Variants in INSYN2B observed in about 807,000 individuals in gnomAD.
The protein encoded by INSYN2B is inhibitory synaptic factor family member 2B, also known as protein INSYN2B.
Under a neutral mutation model 41.2 loss-of-function variants are expected in INSYN2B, and 16 were observed. The observed-to-expected ratio is 0.39, with a 90% CI of 0.26 to 0.59. The LOEUF is 0.59. Among genes scored for constraint, INSYN2B ranks in the 20% least tolerant of loss-of-function variants. INSYN2B has a pLI of 0.57. For missense variants in INSYN2B, 608 were observed against 646.4 expected (o/e 0.94, Z 0.64); for synonymous variants, 245 against 244.4 (o/e 1.00, Z -0.02).
At chr5:169,942,955 A>G (rs1431986538) in intron 1 of INSYN2B, among the ~76,000 whole-genome samples, 1 of 152,244 alleles carries the variant, frequency 6.6e-6, no homozygotes, top group African/African-American at 2.4e-5. Context: ...GAGAGACTCT[A>G]TGTAAAACAC....
At chr5:169,881,545 G>A (rs147762814) in intron 2 of INSYN2B, 103 bp from the exon 3 acceptor site, 241 of 856,770 alleles carry the variant, frequency 2.8e-4, no homozygotes, top group East Asian at 7.5e-4. Flanking sequence ...CAGCATTCAC[G>A]GTGCTCTGAA....
At chr5:169,974,403 C>G (rs1777639646) in intron 1 of INSYN2B, among the ~76,000 whole-genome samples, 1 of 152,120 alleles carries the variant, frequency 6.6e-6, no homozygotes. Context: ...TTGTTATGGC[C>G]CTATAAAAAG....
At chr5:169,923,252 A>G (rs1399807373) in intron 1 of INSYN2B, among the ~76,000 whole-genome samples, 1 of 152,028 alleles carries the variant, frequency 6.6e-6, no homozygotes. Flanking sequence ...TGGTGTAAAC[A>G]TGAGATGTCT....
intron 1 of INSYN2B, among the ~76,000 whole-genome samples, chr5:169,963,071 A>G (rs1029987897): frequency 2.0e-5 from 3 of 152,118 alleles, no homozygotes; most frequent in African/African-American, 7.2e-5. Context: ...CATCCCTGAA[A>G]TATCTACTGG....
At chr5:169,873,304 C>G (rs908884224) in intron 3 of INSYN2B, among the ~76,000 whole-genome samples, 3 of 152,126 alleles carry the variant, frequency 2.0e-5, no homozygotes, top group African/African-American at 7.2e-5. Flanking sequence ...GAAATTTTAC[C>G]TTTTACATTT....
At chr5:169,975,514 G>A (rs1041442632) in intron 1 of INSYN2B, among the ~76,000 whole-genome samples, 4 of 152,044 alleles carry the variant, frequency 2.6e-5, no homozygotes, top group African/African-American at 9.7e-5. Flanking sequence ...CCACCACACT[G>A]AACTTCTTTC....
chr5:169,903,709 AAAG>A (rs1378518077), intron 1 of INSYN2B, among the ~76,000 whole-genome samples: 1 of 152,124 alleles, frequency 6.6e-6, no homozygotes, highest in African/African-American at 2.4e-5. Flanking sequence ...CAGGGGGAGA[AAAG>A]AAGTAAGTTT....
chr5:169,930,452 G>C (rs888316872), intron 1 of INSYN2B, among the ~76,000 whole-genome samples: 1 of 152,120 alleles, frequency 6.6e-6, no homozygotes, highest in African/African-American at 2.4e-5. Flanking sequence ...GACATTTCTT[G>C]GACAATTTCC....
chr5:169,924,791 T>G (rs1249428807), intron 1 of INSYN2B, among the ~76,000 whole-genome samples: 1 of 152,208 alleles, frequency 6.6e-6, no homozygotes, highest in Non-Finnish European at 1.5e-5. Flanking sequence ...CAATCTGAAG[T>G]ATCCTGGGAC....
intron 1 of INSYN2B, among the ~76,000 whole-genome samples, chr5:169,903,055 G>A (rs529194677): frequency 9.2e-5 from 14 of 151,724 alleles, no homozygotes; most frequent in South Asian, 8.4e-4. Flanking sequence ...CTGAGATCAC[G>A]CCACTGTACT....
intron 1 of INSYN2B, among the ~76,000 whole-genome samples, chr5:169,902,199 G>A (rs553021503): frequency 3.3e-5 from 5 of 152,328 alleles, no homozygotes; most frequent in South Asian, 4.1e-4. Context: ...TAGTCTAGTC[G>A]TGTTTAACTC....
intron 1 of INSYN2B, among the ~76,000 whole-genome samples, chr5:169,939,057 C>G (rs993179942): frequency 6.6e-6 from 1 of 151,872 alleles, no homozygotes; most frequent in Non-Finnish European, 1.5e-5. Flanking sequence ...GCATGCACCA[C>G]CACGCCCTGC....
At chr5:169,886,125 C>A (rs940437040) in intron 1 of INSYN2B, among the ~76,000 whole-genome samples, 16 of 152,068 alleles carry the variant, frequency 1.1e-4, no homozygotes, top group South Asian at 2.1e-4. Flanking sequence ...AAGAAAAAAA[C>A]CCCTCTTTTT....
intron 3 of INSYN2B, among the ~76,000 whole-genome samples, chr5:169,880,005 C>A (rs1174216993): frequency 6.6e-6 from 1 of 152,206 alleles, no homozygotes; most frequent in Non-Finnish European, 1.5e-5. Flanking sequence ...TTTGTCCTCT[C>A]TGTCTAGACA....
intron 1 of INSYN2B, among the ~76,000 whole-genome samples, chr5:169,951,026 C>G (rs1288384063): frequency 6.6e-6 from 1 of 152,204 alleles, no homozygotes; most frequent in Non-Finnish European, 1.5e-5. Context: ...GTCAGATTAG[C>G]CAGCGTCACC....
intron 1 of INSYN2B, among the ~76,000 whole-genome samples, chr5:169,948,277 A>G (rs1776523206): frequency 6.8e-6 from 1 of 147,324 alleles, no homozygotes; most frequent in Non-Finnish European, 1.5e-5. Context: ...ATTTTAGTAG[A>G]GGGATTCAGA....
chr5:169,889,187 A>G (rs1217294487), intron 1 of INSYN2B, among the ~76,000 whole-genome samples: 3 of 152,234 alleles, frequency 2.0e-5, no homozygotes, highest in Non-Finnish European at 4.4e-5. Flanking sequence ...ATAGTTGGAT[A>G]GTTGCATGGA....
intron 1 of INSYN2B, among the ~76,000 whole-genome samples, chr5:169,961,977 C>CA (rs1777104421): frequency 9.6e-6 from 1 of 104,036 alleles, no homozygotes; most frequent in Admixed American, 1.0e-4. Context: ...AGACTCTGTC[C>CA]CAAAAAAAAA....
Position 169,864,117 on chromosome 5 carries a change from G to A in INSYN2B, c.*156C>T. 7.4e-6 allele frequency: 5 copies of A among 671,830 alleles called. No individual in the cohort carries two copies. In the South Asian group the frequency reaches 9.6e-5, roughly 13 times the overall value. The allele number at this position is 671,830 out of a possible 1,614,324, so 41.6% of individuals were successfully genotyped here. On this transcript the variant is annotated 3_prime_UTR_variant, in exon 4 of 4. Transcript: ENST00000377365. ...AAGGATCGTGGTCAGGTGTCCAGCA[G>A]CGGCTACATCAGCTCCAAGGCTCTT...
Sources: allele counts gnomAD v4.1 joint callset (sites outside exome capture counted in the v4.1 genomes callset), GRCh38; gene constraint gnomAD v4.1.1; transcripts MANE v1.5; gene names NCBI Gene and HGNC (gene_info 2026-07-23, HGNC 2026-07-21).